The following DTNB variants were observed in gnomAD, a reference collection of about 807,000 sequenced individuals.
The protein encoded by DTNB is DTN-B.
A neutral mutation model predicts 90.7 loss-of-function variants in DTNB; 63 were observed. The ratio of observed to expected loss-of-function variants is 0.69; its 90% CI spans 0.57 to 0.86. DTNB has a LOEUF of 0.86. Ranked by LOEUF, DTNB falls within the 40% of genes least tolerant of loss-of-function variation. DTNB has a pLI of 0.00. For missense variants in DTNB, 744 were observed against 807.1 expected, an observed-to-expected ratio of 0.92 and a Z score of 0.95; for synonymous variants, 277 against 286.7, an observed-to-expected ratio of 0.97 and a Z score of 0.34.
chr2:25,432,810 C>CA, intron 14 of DTNB, 76 bp downstream of exon 14: 1 of 1,414,372 alleles, frequency 7.1e-7, no homozygotes, highest in Non-Finnish European at 9.7e-7. Context: ...GATTCTACCC[C>CA]ACTCCTTTGG....
At chr2:25,633,941 G>A (rs1273766909) in intron 3 of DTNB, among the ~76,000 whole-genome samples, 3 of 150,452 alleles carry the variant, frequency 2.0e-5, no homozygotes, top group Non-Finnish European at 4.4e-5. Flanking sequence ...CCTGGCAACC[G>A]CCCCGTCTGA....
intron 12 of DTNB, among the ~76,000 whole-genome samples, chr2:25,449,229 TTATC>T (rs1173576905): frequency 2.0e-5 from 3 of 152,244 alleles, no homozygotes; most frequent in African/African-American, 7.2e-5. Context: ...CACATCTTGT[TTATC>T]TATTCTGTTG....
At chr2:25,523,939 T>C (rs1219431407) in intron 9 of DTNB, among the ~76,000 whole-genome samples, 3 of 151,018 alleles carry the variant, frequency 2.0e-5, no homozygotes, top group Non-Finnish European at 4.4e-5. Context: ...TTCCCTCTTC[T>C]TGCCCAAGCT....
intron 3 of DTNB, among the ~76,000 whole-genome samples, chr2:25,632,192 CAAAAAAAAAAA>C (rs71399307): frequency 2.6e-5 from 2 of 76,882 alleles, no homozygotes; most frequent in Admixed American, 1.6e-4. Context: ...GACTCTGTCT[CAAAAAAAAAAA>C]AAAAAAAAAA....
chr2:25,589,324 C>CCTTTCTCTCCATT (rs1559142968), intron 6 of DTNB, among the ~76,000 whole-genome samples: 2 of 150,602 alleles, frequency 1.3e-5, no homozygotes, highest in Non-Finnish European at 2.9e-5. Context: ...CTCACTTCTC[C>CCTTTCTCTCCATT]CTTTCTCTCC....
In DTNB at chr2:25,623,539, A is replaced by G. The variant is rs766993270; in HGVS notation, c.362+4632T>C. 2.6e-5 allele frequency among the ~76,000 whole-genome samples: 4 copies of G among 152,200 alleles called. No homozygotes were observed. The South Asian group carries it at 8.3e-4, about 31-fold the overall frequency. Reference sequence around the variant, plus strand: ...TCACCTAAAGGTAATCGTGTCCAGAAGTAAACAGGTCCTCACATGTACTGA... The same window carrying G: ...TCACCTAAAGGTAATCGTGTCCAGAGGTAAACAGGTCCTCACATGTACTGA... On this transcript the variant is annotated intron_variant, in intron 4 of 20. Coordinates refer to ENST00000406818, the MANE Select transcript of DTNB (RefSeq NM_021907.5).
At position 25,466,259 on chromosome 2, in the gene DTNB, T is replaced by C. The variant is rs898425876; in HGVS notation, c.1080-10765A>G. On this transcript the variant is annotated intron_variant, in intron 10 of 20. Coordinates refer to ENST00000406818, the MANE Select transcript of DTNB (RefSeq NM_021907.5). ...GCTGAGGCAGAGAATCGCTTGAACC[T>C]GGGAGGCAGAGTTTGCAGTGAGGCG... 5.3e-5 allele frequency among the ~76,000 whole-genome samples: 8 copies of C among 152,300 alleles called. No homozygotes were observed. The South Asian group carries it at 1.7e-3, about 32-fold the overall frequency.
chr2:25,546,207 A>C (rs1353522193), intron 8 of DTNB, among the ~76,000 whole-genome samples: 1 of 152,240 alleles, frequency 6.6e-6, no homozygotes, highest in Non-Finnish European at 1.5e-5. Flanking sequence ...CCTTTGCATA[A>C]GTGGACCAGG....
intron 16 of DTNB, among the ~76,000 whole-genome samples, chr2:25,393,283 CA>C (rs1382791955): frequency 6.6e-6 from 1 of 152,072 alleles, no homozygotes; most frequent in Admixed American, 6.5e-5. Context: ...TTATACTGAA[CA>C]GGGAAAAGTT....
intron 3 of DTNB, among the ~76,000 whole-genome samples, chr2:25,629,036 G>A (rs2075100235): frequency 6.6e-6 from 1 of 151,982 alleles, no homozygotes; most frequent in African/African-American, 2.4e-5. Context: ...ATTCCTGGAT[G>A]GAATATAAAA....
At chr2:25,537,607 A>C (rs1402422370) in intron 8 of DTNB, among the ~76,000 whole-genome samples, 3 of 152,248 alleles carry the variant, frequency 2.0e-5, no homozygotes, top group African/African-American at 7.2e-5. Flanking sequence ...AAACACATGA[A>C]TAAGGGATTT....
chr2:25,545,053 T>C (rs2082130293), intron 8 of DTNB, among the ~76,000 whole-genome samples: 1 of 152,238 alleles, frequency 6.6e-6, no homozygotes, highest in African/African-American at 2.4e-5. Flanking sequence ...TTTCACACTT[T>C]CCATCTCCTT....
At chr2:25,512,468 C>T (rs2074145452) in intron 9 of DTNB, among the ~76,000 whole-genome samples, 1 of 152,194 alleles carries the variant, frequency 6.6e-6, no homozygotes, top group South Asian at 2.1e-4. Flanking sequence ...GATGTACAAT[C>T]CCAGCCCTTA....
At chr2:25,435,458 A>G (rs1001854589) in intron 12 of DTNB, among the ~76,000 whole-genome samples, 1 of 152,174 alleles carries the variant, frequency 6.6e-6, no homozygotes, top group African/African-American at 2.4e-5. Flanking sequence ...GAATTTGCCT[A>G]TTCTGGATAT....
chr2:25,622,235 G>C (rs570278392), intron 4 of DTNB, among the ~76,000 whole-genome samples: 1 of 152,192 alleles, frequency 6.6e-6, no homozygotes, highest in Non-Finnish European at 1.5e-5. Context: ...TTCAATCCCA[G>C]CACTTTGGGA....
intron 12 of DTNB, among the ~76,000 whole-genome samples, chr2:25,440,985 C>T (rs2057244544): frequency 6.6e-6 from 1 of 152,166 alleles, no homozygotes; most frequent in South Asian, 2.1e-4. Context: ...TTTGCTTCAA[C>T]CCAGAAGACC....
At chr2:25,670,706 A>T (rs943804109) in intron 1 of DTNB, among the ~76,000 whole-genome samples, 1 of 152,244 alleles carries the variant, frequency 6.6e-6, no homozygotes, top group African/African-American at 2.4e-5. Context: ...TTCGAAATCA[A>T]TAAAAGGGAG....
intron 3 of DTNB, among the ~76,000 whole-genome samples, chr2:25,635,812 C>G (rs1298977076): frequency 6.6e-6 from 1 of 152,056 alleles, no homozygotes; most frequent in East Asian, 1.9e-4. Flanking sequence ...AAAAGAAAAG[C>G]CGAGCAAAGT....
At chr2:25,528,213 T>C (rs1207915803) in intron 9 of DTNB, among the ~76,000 whole-genome samples, 1 of 152,148 alleles carries the variant, frequency 6.6e-6, no homozygotes, top group Admixed American at 6.5e-5. Context: ...CATCCATTCA[T>C]GACAAAAAGA....
Sources: gnomAD v4.1 joint callset for allele counts (sites outside exome capture counted in the v4.1 genomes callset) on GRCh38, gnomAD v4.1.1 for gene constraint, MANE v1.5 for transcripts, NCBI Gene and HGNC (gene_info 2026-07-23, HGNC 2026-07-21) for gene names.